TMEM108: variants seen among roughly 807,000 people sequenced by gnomAD.
The protein encoded by TMEM108 is cancer/testis antigen 124.
Under a neutral mutation model 35.1 loss-of-function variants are expected in TMEM108, and 12 were observed. The ratio of observed to expected loss-of-function variants is 0.34; its 90% CI spans 0.22 to 0.55. TMEM108 has a LOEUF of 0.55. Ranked by LOEUF, TMEM108 falls within the 20% of genes least tolerant of loss-of-function variation. The pLI, the probability that TMEM108 is intolerant of heterozygous loss-of-function variation, is 0.89. For missense variants in TMEM108, 680 were observed against 753.3 expected, an observed-to-expected ratio of 0.90 and a Z score of 1.14; for synonymous variants, 287 against 308.6, an observed-to-expected ratio of 0.93 and a Z score of 0.73.
chr3:133,060,272 T>G (rs1313236173), intron 2 of TMEM108, among the ~76,000 whole-genome samples: 1 of 152,162 alleles, frequency 6.6e-6, no homozygotes, highest in African/African-American at 2.4e-5. Context: ...AAGGCTGTTA[T>G]GAGGACGTAA....
intron 3 of TMEM108, among the ~76,000 whole-genome samples, chr3:133,322,523 A>G (rs972469545): frequency 5.3e-5 from 8 of 152,140 alleles, no homozygotes; most frequent in Non-Finnish European, 1.0e-4. Flanking sequence ...AAATTGAAAA[A>G]GTAATAAAAA....
chr3:133,276,669 A>T (rs959370894), intron 3 of TMEM108, among the ~76,000 whole-genome samples: 2 of 152,132 alleles, frequency 1.3e-5, no homozygotes, highest in Admixed American at 6.5e-5. Flanking sequence ...ATTTTTTTAA[A>T]TATGGGGTGG....
intron 2 of TMEM108, among the ~76,000 whole-genome samples, chr3:133,083,675 T>C (rs1198602240): frequency 1.3e-5 from 2 of 152,244 alleles, no homozygotes; most frequent in East Asian, 1.9e-4. Flanking sequence ...TAGATAGTTC[T>C]AACCCTGAGG....
chr3:133,336,181 G>A (rs2071496977), intron 3 of TMEM108, among the ~76,000 whole-genome samples: 1 of 152,104 alleles, frequency 6.6e-6, no homozygotes, highest in South Asian at 2.1e-4. Context: ...ACTGAGCTCA[G>A]AACCAGTGGA....
intron 2 of TMEM108, among the ~76,000 whole-genome samples, chr3:133,074,592 C>T (rs966041756): frequency 1.4e-4 from 21 of 152,234 alleles, no homozygotes; most frequent in African/African-American, 4.1e-4. Flanking sequence ...CAGGTTCAAG[C>T]GATTCTCCTG....
At chr3:133,281,672 G>A (rs920932395) in intron 3 of TMEM108, among the ~76,000 whole-genome samples, 13 of 152,278 alleles carry the variant, frequency 8.5e-5, no homozygotes, top group East Asian at 3.9e-4. Flanking sequence ...GCTGGTTCAG[G>A]GTAGCATTTC....
At chr3:133,234,444 A>G (rs1576400765) in intron 3 of TMEM108, among the ~76,000 whole-genome samples, 1 of 152,216 alleles carries the variant, frequency 6.6e-6, no homozygotes, top group South Asian at 2.1e-4. Flanking sequence ...GGCTGTTTCA[A>G]TATACGCACA....
intron 3 of TMEM108, among the ~76,000 whole-genome samples, chr3:133,268,635 G>A (rs1946730509): frequency 6.6e-6 from 1 of 152,192 alleles, no homozygotes; most frequent in Non-Finnish European, 1.5e-5. Context: ...TCTAATAACA[G>A]AAGGGCTTTC....
intron 2 of TMEM108, among the ~76,000 whole-genome samples, chr3:133,059,917 G>A (rs1943517200): frequency 6.6e-6 from 1 of 152,224 alleles, no homozygotes; most frequent in East Asian, 1.9e-4. Flanking sequence ...ATTCAAAGTA[G>A]GTGATCCATA....
At chr3:133,175,010 C>T (rs1025530530) in intron 2 of TMEM108, among the ~76,000 whole-genome samples, 5 of 152,016 alleles carry the variant, frequency 3.3e-5, no homozygotes, top group East Asian at 3.9e-4. Context: ...AACCAAGGCA[C>T]GAGAACTATG....
At chr3:133,141,099 C>T (rs1253755132) in intron 2 of TMEM108, among the ~76,000 whole-genome samples, 1 of 152,144 alleles carries the variant, frequency 6.6e-6, no homozygotes, top group Non-Finnish European at 1.5e-5. Flanking sequence ...AGGTTAAAAT[C>T]ATACCATTTA....
intron 3 of TMEM108, among the ~76,000 whole-genome samples, chr3:133,267,392 A>G (rs917222194): frequency 3.3e-5 from 5 of 152,156 alleles, no homozygotes; most frequent in Non-Finnish European, 7.3e-5. Context: ...AGAAAACGTC[A>G]ATTAAGGCTT....
At position 133,357,507 on chromosome 3, in the gene TMEM108, C is replaced by CCTA. The variant is rs1430899822; in HGVS notation, c.41-22245_41-22244insCTA. On this transcript the variant is annotated intron_variant, in intron 3 of 5. Coordinates refer to ENST00000321871, the MANE Select transcript of TMEM108 (RefSeq NM_023943.4). The stretch of plus-strand genomic sequence containing the variant: ...TTTATAGCAGCACAATTCACAATTA[C>CCTA]AGAGATATGAAACCAACCTAAGTGC... Among the ~76,000 whole-genome samples the CCTA allele has an allele frequency of 2.0e-5, 3 of 152,122 alleles. No individual in the cohort carries two copies. In the East Asian group the frequency reaches 5.8e-4, roughly 29 times the overall value.
chr3:133,358,392 G>A (rs143373115), intron 3 of TMEM108, among the ~76,000 whole-genome samples: 3,213 of 152,058 alleles, frequency 0.021, 97 homozygotes, highest in African/African-American at 0.074. Context: ...GATTGGTCTC[G>A]AACTCCTGAC....
intron 3 of TMEM108, among the ~76,000 whole-genome samples, chr3:133,232,460 A>G (rs1017235556): frequency 2.0e-5 from 3 of 152,178 alleles, no homozygotes; most frequent in African/African-American, 4.8e-5. Context: ...TCAGATGCAG[A>G]TGCTGGTGCC....
At chr3:133,135,018 C>G (rs1944544938) in intron 2 of TMEM108, among the ~76,000 whole-genome samples, 1 of 152,110 alleles carries the variant, frequency 6.6e-6, no homozygotes, top group African/African-American at 2.4e-5. Context: ...AAAGACATAT[C>G]TCTCTGGCTT....
intron 4 of TMEM108, among the ~76,000 whole-genome samples, chr3:133,382,682 G>T (rs571622932): frequency 6.6e-6 from 1 of 152,212 alleles, no homozygotes; most frequent in Non-Finnish European, 1.5e-5. Context: ...AGCCCCGAAG[G>T]CTTCCCTCAG....
intron 2 of TMEM108, among the ~76,000 whole-genome samples, chr3:133,220,154 T>C (rs536127531): frequency 2.0e-5 from 3 of 152,066 alleles, no homozygotes; most frequent in Non-Finnish European, 4.4e-5. Flanking sequence ...CCTGCTCTCT[T>C]TTTATTTCTG....
At chr3:133,250,071 T>C (rs1946446261) in intron 3 of TMEM108, among the ~76,000 whole-genome samples, 2 of 152,140 alleles carry the variant, frequency 1.3e-5, no homozygotes, top group Non-Finnish European at 2.9e-5. Flanking sequence ...CTTCAAACAA[T>C]TAAGCTCTTG....
Sources: allele counts gnomAD v4.1 joint callset (sites outside exome capture counted in the v4.1 genomes callset), GRCh38; gene constraint gnomAD v4.1.1; transcripts MANE v1.5; gene names NCBI Gene and HGNC (gene_info 2026-07-23, HGNC 2026-07-21).